The following SHC3 variants were observed in gnomAD, a reference collection of about 807,000 sequenced individuals.
SHC3 encodes the protein SHC-transforming protein 3.
A neutral mutation model predicts 60.4 loss-of-function variants in SHC3; 15 were observed. The observed-to-expected ratio is 0.25, with a 90% CI of 0.17 to 0.38. SHC3 has a LOEUF of 0.38. Ranked by LOEUF, SHC3 falls within the 10% of genes least tolerant of loss-of-function variation. The pLI is 1.00. For missense variants in SHC3, 677 were observed against 786.1 expected (o/e 0.86, Z 1.66); for synonymous variants, 294 against 325.9 (o/e 0.90, Z 1.05).
At chr9:89,157,821 T>G (rs1432872967) in intron 1 of SHC3, among the ~76,000 whole-genome samples, 2 of 152,068 alleles carry the variant, frequency 1.3e-5, no homozygotes, top group African/African-American at 2.4e-5. Context: ...AGGATCTGGC[T>G]ATGTTGCCCA....
rs1269266322 is a variant in SHC3 at position 89,006,036 on chromosome 9, T to C, written c.*7411A>G. ...CTAAGTCAGATATCCAAAAGTTAGC[T>C]CCATAATCAGAAATGCGCACACCAC... On this transcript the variant is annotated 3_prime_UTR_variant, in exon 12 of 12. Transcript: ENST00000375835. The C allele has an allele frequency of 6.6e-6, 1 of 152,230 alleles. No homozygotes were observed. Among genetic ancestry groups the C allele is most frequent in the African/African-American group, 2.4e-5 (1 of 41,458 alleles). The allele number at this position is 152,230 out of a possible 1,614,324, so 9.4% of individuals were successfully genotyped here.
chr9:89,070,815 T>G (rs1327969444), intron 5 of SHC3, among the ~76,000 whole-genome samples: 5 of 152,124 alleles, frequency 3.3e-5, no homozygotes, highest in African/African-American at 1.2e-4. Flanking sequence ...AAATTCACAT[T>G]CTTCAGGCAG....
chr9:89,013,777 C>A (rs1826048913), intron 11 of SHC3, among the ~76,000 whole-genome samples: 1 of 152,152 alleles, frequency 6.6e-6, no homozygotes, highest in Non-Finnish European at 1.5e-5. Context: ...TCCAAACTAC[C>A]TGAAGACCTT....
chr9:89,056,635 C>A (rs1054314692), intron 6 of SHC3, among the ~76,000 whole-genome samples: 1 of 152,222 alleles, frequency 6.6e-6, no homozygotes, highest in African/African-American at 2.4e-5. Flanking sequence ...AGCTGAGAAC[C>A]CACTTTGCTT....
At chr9:89,121,071 A>AAC (rs1315430788) in intron 1 of SHC3, among the ~76,000 whole-genome samples, 2 of 152,166 alleles carry the variant, frequency 1.3e-5, no homozygotes, top group African/African-American at 2.4e-5. Flanking sequence ...CATGCTAAAC[A>AAC]ACAGTTACCT....
At position 89,075,104 on chromosome 9, in the gene SHC3, T is replaced by G; in HGVS notation, c.729+5A>C. The G allele has an allele frequency of 1.2e-6, 2 of 1,613,702 alleles. No homozygotes were observed. The highest frequency in any genetic ancestry group is 1.7e-6 in the Non-Finnish European group (2 of 1,179,728). ...CAGGGACAGGGGATCTGAGCACCCA[T>G]GTACCTGTTTGGAGTCCGGAGTTCG... On this transcript the variant is annotated splice_donor_5th_base_variant and intron_variant, in intron 4 of 11. Coordinates refer to ENST00000375835, the MANE Select transcript of SHC3 (RefSeq NM_016848.6).
intron 1 of SHC3, among the ~76,000 whole-genome samples, chr9:89,153,471 T>C (rs989617734): frequency 6.6e-6 from 1 of 152,232 alleles, no homozygotes; most frequent in African/African-American, 2.4e-5. Flanking sequence ...ACTCAGAGCA[T>C]TTCAAAACTC....
At chr9:89,172,298 T>A (rs886603417) in intron 1 of SHC3, among the ~76,000 whole-genome samples, 7 of 152,206 alleles carry the variant, frequency 4.6e-5, no homozygotes, top group Non-Finnish European at 1.5e-5. Context: ...ATTCTAGCAC[T>A]GGGAGACATG....
chr9:89,029,682 C>G (rs979150638), intron 11 of SHC3, among the ~76,000 whole-genome samples: 11 of 152,142 alleles, frequency 7.2e-5, no homozygotes, highest in Admixed American at 1.3e-4. Context: ...GTCCATCTGT[C>G]TGTGTGTCCT....
At chr9:89,014,453 A>G (rs983256559) in intron 11 of SHC3, among the ~76,000 whole-genome samples, 1 of 152,176 alleles carries the variant, frequency 6.6e-6, no homozygotes, top group Non-Finnish European at 1.5e-5. Context: ...AGATGGGGGC[A>G]GAAAGCAGCC....
At chr9:89,104,944 G>A (rs1394475412) in intron 2 of SHC3, among the ~76,000 whole-genome samples, 1 of 152,200 alleles carries the variant, frequency 6.6e-6, no homozygotes. Flanking sequence ...AAGGAGGGAC[G>A]TCGCCATGCC....
intron 2 of SHC3, among the ~76,000 whole-genome samples, chr9:89,093,825 C>T (rs764727963): frequency 2.0e-4 from 31 of 152,130 alleles, no homozygotes; most frequent in Non-Finnish European, 2.9e-4. Flanking sequence ...GTGCACTGGT[C>T]GGGCGCGGTG....
Position 89,038,045 on chromosome 9 carries a change from C to T in SHC3, c.1604G>A (p.Gly535Asp), listed in dbSNP as rs147547559. ...TTNPGSFVLTGMHNGQAKHLL... is the reference protein window; with the variant it reads ...TTNPGSFVLTDMHNGQAKHLL... Reference sequence around the variant, plus strand: ...GTGCTTGGCCTGGCCATTGTGCATGCCCGTGAGGACAAAGGAGCCCGGGTT... The same window carrying T: ...GTGCTTGGCCTGGCCATTGTGCATGTCCGTGAGGACAAAGGAGCCCGGGTT... The change falls in exon 11 of 12, where the codon GGC (glycine) becomes GAC (aspartate). Residue 535 changes from glycine (G) to aspartate (D), a missense_variant. Gly to Asp is a moderately conservative substitution (Grantham distance 94, BLOSUM62 -1). Transcript: ENST00000375835. The T allele has an allele frequency of 6.2e-7, 1 of 1,613,428 alleles. No homozygotes were observed. The highest frequency in any genetic ancestry group is 1.3e-5 in the African/African-American group (1 of 74,930).
intron 10 of SHC3, among the ~76,000 whole-genome samples, chr9:89,039,798 C>T (rs1824644589): frequency 6.6e-6 from 1 of 151,896 alleles, no homozygotes; most frequent in South Asian, 2.1e-4. Context: ...TTATCACCAC[C>T]ACCATTACCA....
intron 2 of SHC3, among the ~76,000 whole-genome samples, chr9:89,097,562 G>A (rs919019097): frequency 3.9e-5 from 6 of 152,338 alleles, no homozygotes; most frequent in Middle Eastern, 3.4e-3. Flanking sequence ...TTTGTCTCAG[G>A]AGTCACATCT....
intron 2 of SHC3, among the ~76,000 whole-genome samples, chr9:89,096,705 C>G (rs749256257): frequency 6.6e-6 from 1 of 152,054 alleles, no homozygotes; most frequent in African/African-American, 2.4e-5. Context: ...CTGTTTTAAC[C>G]CCCAGCGGAC....
intron 6 of SHC3, among the ~76,000 whole-genome samples, chr9:89,058,933 G>A (rs1309791863): frequency 2.0e-5 from 3 of 147,332 alleles, no homozygotes; most frequent in South Asian, 2.2e-4. Flanking sequence ...GTGTTAGGAC[G>A]TGGTAGAGGA....
At position 89,018,651 on chromosome 9, in the gene SHC3, A is replaced by T. The variant is rs895434063; in HGVS notation, c.1657-5076T>A. Among the ~76,000 whole-genome samples the T allele has an allele frequency of 1.0e-3, 154 of 151,840 alleles. 2 individuals carry two copies. The highest frequency in any genetic ancestry group is 1.7e-4 in the African/African-American group (7 of 41,376). On this transcript the variant is annotated intron_variant, in intron 11 of 11. Transcript: ENST00000375835. ...AAACTGTAATTTAAAAATGTTATTT[A>T]AAAAAAACTCTTGATAAAGTAGTTT...
intron 2 of SHC3, among the ~76,000 whole-genome samples, chr9:89,079,883 G>C (rs1278611678): frequency 1.3e-5 from 2 of 152,170 alleles, no homozygotes; most frequent in East Asian, 3.8e-4. Flanking sequence ...GTTTTCAAAT[G>C]AAACTGCTTT....
Sources: allele counts gnomAD v4.1 joint callset (sites outside exome capture counted in the v4.1 genomes callset), GRCh38; gene constraint gnomAD v4.1.1; transcripts MANE v1.5; gene names NCBI Gene and HGNC (gene_info 2026-07-23, HGNC 2026-07-21).